GPC6: variants seen among roughly 807,000 people sequenced by gnomAD.
GPC6 encodes the protein glypican-6.
GPC6 carries 14 observed loss-of-function variants against 55.2 expected under a neutral mutation model. The ratio of observed to expected loss-of-function variants is 0.25; its 90% CI spans 0.17 to 0.40. The LOEUF (loss-of-function observed/expected upper bound fraction) is 0.40, where lower values mean the gene tolerates loss of function less well. Ranked by LOEUF, GPC6 falls within the 10% of genes least tolerant of loss-of-function variation. The probability of loss-of-function intolerance (pLI) is 1.00; values close to 1 mark genes in which losing one functional copy is unlikely to be tolerated. For missense variants in GPC6, 641 were observed against 708.5 expected (o/e 0.90, Z 1.08); for synonymous variants, 278 against 259.6 (o/e 1.07, Z -0.68).
chr13:93,569,420 G>A (rs1032759601), intron 2 of GPC6, among the ~76,000 whole-genome samples: 2 of 152,110 alleles, frequency 1.3e-5, no homozygotes, highest in Non-Finnish European at 2.9e-5. Context: ...ATTCATCTAT[G>A]TGGCATTAAA....
intron 4 of GPC6, among the ~76,000 whole-genome samples, chr13:94,031,100 GTGTGCGTGCA>G (rs1390160988): frequency 5.3e-4 from 79 of 149,432 alleles, no homozygotes; most frequent in African/African-American, 1.8e-3. Flanking sequence ...GTGCGTGTGT[GTGTGCGTGCA>G]TGTGTGTGTG....
At chr13:94,192,289 T>C (rs564038783) in intron 4 of GPC6, among the ~76,000 whole-genome samples, 2 of 152,298 alleles carry the variant, frequency 1.3e-5, no homozygotes, top group East Asian at 3.9e-4. Flanking sequence ...ATAGAAAGAT[T>C]TTGAGTACTT....
chr13:93,563,776 C>T (rs1167354532), intron 2 of GPC6, among the ~76,000 whole-genome samples: 1 of 151,116 alleles, frequency 6.6e-6, no homozygotes, highest in African/African-American at 2.4e-5. Flanking sequence ...AAAAAAAAGA[C>T]TAATCCTGCC....
At chr13:93,853,900 C>T (rs1212000096) in intron 3 of GPC6, among the ~76,000 whole-genome samples, 1 of 151,648 alleles carries the variant, frequency 6.6e-6, no homozygotes, top group Non-Finnish European at 1.5e-5. Context: ...CAATGAAACA[C>T]AGTAACATGT....
chr13:93,458,685 T>A (rs2139311836), intron 1 of GPC6, among the ~76,000 whole-genome samples: 1 of 152,300 alleles, frequency 6.6e-6, no homozygotes, highest in Admixed American at 6.5e-5. Flanking sequence ...ATTTCTAATG[T>A]TTCCAAAACA....
chr13:93,276,121 G>T (rs961682056), intron 1 of GPC6, among the ~76,000 whole-genome samples: 1 of 152,028 alleles, frequency 6.6e-6, no homozygotes, highest in Non-Finnish European at 1.5e-5. Flanking sequence ...TGATCCACTC[G>T]CCTCGGCCTC....
chr13:93,670,646 C>A (rs1053430280), intron 2 of GPC6, among the ~76,000 whole-genome samples: 8 of 152,108 alleles, frequency 5.3e-5, no homozygotes, highest in African/African-American at 1.9e-4. Context: ...AGCAATTCAA[C>A]TTTAATATTT....
Position 93,865,570 on chromosome 13 carries a change from G to A in GPC6, c.711+35025G>A, listed in dbSNP as rs185494616. On this transcript the variant is annotated intron_variant, in intron 3 of 8. Coordinates refer to ENST00000377047, the MANE Select transcript of GPC6 (RefSeq NM_005708.5). ...TGAGATGAAGCCTTTGACCAGAGGT[G>A]TAGCACAGAAACTGCTACCCTGTGT... Among the ~76,000 whole-genome samples the A allele has an allele frequency of 3.6e-3, 546 of 151,788 alleles. 1 individual carries two copies. The highest frequency in any genetic ancestry group is 0.013 in the African/African-American group (524 of 41,486).
At chr13:93,298,792 G>A (rs966122767) in intron 1 of GPC6, among the ~76,000 whole-genome samples, 3 of 151,602 alleles carry the variant, frequency 2.0e-5, no homozygotes, top group Non-Finnish European at 2.9e-5. Context: ...ACTGCCTGAC[G>A]TGGATTTTCT....
intron 1 of GPC6, among the ~76,000 whole-genome samples, chr13:93,472,289 AG>A (rs997449453): frequency 6.6e-6 from 1 of 152,214 alleles, no homozygotes; most frequent in Non-Finnish European, 1.5e-5. Context: ...TAGGGCCCAC[AG>A]GGCCCATTCC....
intron 2 of GPC6, among the ~76,000 whole-genome samples, chr13:93,756,141 C>T (rs1471296826): frequency 1.3e-5 from 2 of 152,180 alleles, no homozygotes; most frequent in South Asian, 2.1e-4. Context: ...AGAATCATCA[C>T]TGGGATTCTA....
At chr13:93,856,883 T>C (rs981436162) in intron 3 of GPC6, among the ~76,000 whole-genome samples, 21 of 151,642 alleles carry the variant, frequency 1.4e-4, no homozygotes, top group Non-Finnish European at 2.7e-4. Flanking sequence ...CGTGGTTAAA[T>C]AGGCAAAGCC....
At chr13:94,211,488 A>C (rs1450637638) in intron 4 of GPC6, among the ~76,000 whole-genome samples, 2 of 152,258 alleles carry the variant, frequency 1.3e-5, no homozygotes, top group Non-Finnish European at 2.9e-5. Context: ...GAGTAATAAA[A>C]AATAAGTTTA....
intron 6 of GPC6, among the ~76,000 whole-genome samples, chr13:94,347,842 G>T (rs1878364794): frequency 6.6e-6 from 1 of 152,208 alleles, no homozygotes; most frequent in Non-Finnish European, 1.5e-5. Flanking sequence ...TAACAACCAT[G>T]TTTGGGATAG....
chr13:93,897,500 G>A lies in GPC6; in HGVS notation c.711+66955G>A, dbSNP rs372200172. Among the ~76,000 whole-genome samples, 28 of 152,032 alleles carry A rather than the reference G, an allele frequency of 1.8e-4. No individual in the cohort carries two copies. In the East Asian group the frequency reaches 5.2e-3, roughly 28 times the overall value. Reference sequence around the variant, plus strand: ...TGAAACAATTCAACATCTTTAAAAAGCACACAAAAATTTAAAATGTAACTA... The same window carrying A: ...TGAAACAATTCAACATCTTTAAAAAACACACAAAAATTTAAAATGTAACTA... On this transcript the variant is annotated intron_variant, in intron 3 of 8. Coordinates refer to ENST00000377047, the MANE Select transcript of GPC6 (RefSeq NM_005708.5).
chr13:94,225,183 G>C (rs1285324261), intron 4 of GPC6, among the ~76,000 whole-genome samples: 1 of 152,040 alleles, frequency 6.6e-6, no homozygotes, highest in African/African-American at 2.4e-5. Flanking sequence ...GGCATGAAGA[G>C]GGCAAGATTA....
chr13:94,391,537 A>G (rs2139218975), intron 7 of GPC6, among the ~76,000 whole-genome samples: 1 of 152,362 alleles, frequency 6.6e-6, no homozygotes, highest in Non-Finnish European at 1.5e-5. Context: ...GTTTACGTTG[A>G]ATAATCCAAC....
intron 3 of GPC6, 158 bp downstream of exon 3, chr13:93,830,703 T>G: frequency 1.5e-6 from 1 of 678,032 alleles, no homozygotes; most frequent in Admixed American, 2.9e-5. Context: ...AGCATAATTC[T>G]GGCTTTCTTT....
At chr13:94,264,621 A>G (rs1891741734) in intron 4 of GPC6, among the ~76,000 whole-genome samples, 1 of 152,246 alleles carries the variant, frequency 6.6e-6, no homozygotes. Context: ...AAGTATAGAG[A>G]TAATCAAGTA....
Sources: allele counts gnomAD v4.1 joint callset (sites outside exome capture counted in the v4.1 genomes callset), GRCh38; gene constraint gnomAD v4.1.1; transcripts MANE v1.5; gene names NCBI Gene and HGNC (gene_info 2026-07-23, HGNC 2026-07-21).